IGSF21: variants seen among roughly 807,000 people sequenced by gnomAD.
IGSF21 encodes the protein immunoglobin superfamily member 21.
In IGSF21, 28 loss-of-function variants were observed where a neutral mutation model predicts 46.8. That is an observed-to-expected ratio of 0.60 (90% confidence interval 0.44 to 0.82). The LOEUF is 0.82. Among genes scored for constraint, IGSF21 ranks in the 40% least tolerant of loss-of-function variants. IGSF21 has a pLI of 0.00. For missense variants in IGSF21, 624 were observed against 665.5 expected, an observed-to-expected ratio of 0.94 and a Z score of 0.69; for synonymous variants, 284 against 273.6, an observed-to-expected ratio of 1.04 and a Z score of -0.38.
intron 4 of IGSF21, among the ~76,000 whole-genome samples, chr1:18,354,554 A>G (rs2085994497): frequency 6.6e-6 from 1 of 152,220 alleles, no homozygotes. Flanking sequence ...CAGTCAATAG[A>G]GCAGGCATGC....
At chr1:18,177,002 C>G (rs1425412080) in intron 1 of IGSF21, among the ~76,000 whole-genome samples, 1 of 152,114 alleles carries the variant, frequency 6.6e-6, no homozygotes, top group Admixed American at 6.5e-5. Context: ...TTTTTATTTC[C>G]CCCTTTAACA....
At position 18,215,479 on chromosome 1, in the gene IGSF21, C is replaced by T. The variant is rs2084434894; in HGVS notation, c.71-12419C>T. 1.3e-5 allele frequency among the ~76,000 whole-genome samples: 2 copies of T among 152,112 alleles called. 1 individual carries two copies. Among genetic ancestry groups the T allele is most frequent in the South Asian group, 4.2e-4 (2 of 4,818 alleles). ...CTAACCCAGATTTGGGAATGCTGGG[C>T]ATGGGGTAGGTGAAGCTGGAGTGTA... On this transcript the variant is annotated intron_variant, in intron 1 of 9. Transcript: ENST00000251296.
intron 1 of IGSF21, among the ~76,000 whole-genome samples, chr1:18,164,169 G>C (rs1461721190): frequency 2.6e-5 from 4 of 152,132 alleles, no homozygotes; most frequent in African/African-American, 7.2e-5. Flanking sequence ...AGGAAACTGA[G>C]GCATAGGCAA....
At chr1:18,355,266 CA>C (rs1372619292) in intron 4 of IGSF21, among the ~76,000 whole-genome samples, 1 of 152,190 alleles carries the variant, frequency 6.6e-6, no homozygotes, top group African/African-American at 2.4e-5. Flanking sequence ...TCCCAAATTT[CA>C]AAGGCCACGG....
intron 2 of IGSF21, among the ~76,000 whole-genome samples, chr1:18,291,229 C>T (rs1174398846): frequency 6.6e-6 from 1 of 152,202 alleles, no homozygotes; most frequent in East Asian, 1.9e-4. Context: ...ACCTCCCTGC[C>T]TTCTCCCACT....
At position 18,378,257 on chromosome 1, in the gene IGSF21, T is replaced by C; in HGVS notation, c.1335T>C (p.Gly445=). 1 of 1,613,822 alleles carries C rather than the reference T, an allele frequency of 6.2e-7. No homozygotes were observed. Among genetic ancestry groups the C allele is most frequent in the Non-Finnish European group, 8.5e-7 (1 of 1,179,838 alleles). ...CCCTTTCCCTGATTCCTGGCACAGG[T>C]TCCATTGGCCCCACTGGTGCCCGGC... is the stretch of plus-strand genomic sequence containing the variant. ...NIPRGTEDSN[G]SIGPTGARLT... The change falls in exon 10 of 10, where the codon GGT becomes GGC. Residue 445 remains glycine, a splice_region_variant and synonymous_variant. Transcript: ENST00000251296.
intron 1 of IGSF21, chr1:18,111,227 C>G (rs1287023537): frequency 6.6e-6 from 1 of 152,230 alleles, no homozygotes; most frequent in Non-Finnish European, 1.5e-5. Flanking sequence ...GGGCCCTAAT[C>G]CCTTGCAGGC....
intron 3 of IGSF21, among the ~76,000 whole-genome samples, chr1:18,295,229 A>G (rs916516924): frequency 1.3e-5 from 2 of 152,140 alleles, no homozygotes; most frequent in African/African-American, 2.4e-5. Flanking sequence ...CTCTGGATAG[A>G]GCGTCCCAGA....
chr1:18,154,411 A>C (rs971134368), intron 1 of IGSF21, among the ~76,000 whole-genome samples: 1 of 151,672 alleles, frequency 6.6e-6, no homozygotes, highest in African/African-American at 2.4e-5. Flanking sequence ...AGGTCTTCAG[A>C]CTCAGTAAAG....
intron 2 of IGSF21, among the ~76,000 whole-genome samples, chr1:18,241,695 A>G (rs371051327): frequency 6.6e-5 from 10 of 152,070 alleles, no homozygotes; most frequent in African/African-American, 2.4e-4. Context: ...CATCTCCCTC[A>G]TATCATCATG....
intron 1 of IGSF21, among the ~76,000 whole-genome samples, chr1:18,144,422 C>T (rs2086447730): frequency 6.6e-6 from 1 of 152,222 alleles, no homozygotes. Context: ...CCTCCCTGCC[C>T]AAGCTGCCTG....
chr1:18,119,665 C>G (rs2086217625), intron 1 of IGSF21, among the ~76,000 whole-genome samples: 1 of 152,174 alleles, frequency 6.6e-6, no homozygotes, highest in South Asian at 2.1e-4. Context: ...TTTAATGCCC[C>G]TCTATCACAT....
rs898184899 is a variant in IGSF21 at position 18,313,937 on chromosome 1, C to T, written c.306-20955C>T. On this transcript the variant is annotated intron_variant, in intron 3 of 9. Transcript: ENST00000251296. ...AAGCAGGGGGTCTTTTCCTTTATTA[C>T]AGCCGTCTCAGGAAGACGTGAAAAT... Among the ~76,000 whole-genome samples the T allele has an allele frequency of 4.6e-5, 7 of 152,316 alleles. No homozygotes were observed. The East Asian group carries it at 1.2e-3, about 25-fold the overall frequency.
rs374083141 is a variant in IGSF21, at chr1:18,301,564, C to A, written c.305+9577C>A. On this transcript the variant is annotated intron_variant, in intron 3 of 9. Coordinates refer to ENST00000251296, the MANE Select transcript of IGSF21 (RefSeq NM_032880.5). Reference sequence around the variant, plus strand: ...CCATGTTGGTCAAGCTGATCTCGAACTCCTGACCTCAAGTGATGCACCCGC... The same window carrying A: ...CCATGTTGGTCAAGCTGATCTCGAAATCCTGACCTCAAGTGATGCACCCGC... 6.6e-5 allele frequency among the ~76,000 whole-genome samples: 10 copies of A among 152,306 alleles called. No individual in the cohort carries two copies. The South Asian group carries it at 1.0e-3, about 16-fold the overall frequency.
intron 2 of IGSF21, among the ~76,000 whole-genome samples, chr1:18,242,124 G>A (rs1387187020): frequency 3.9e-5 from 6 of 152,186 alleles, no homozygotes; most frequent in African/African-American, 1.2e-4. Flanking sequence ...GGCTGTCAAC[G>A]TCAAATGAGG....
At chr1:18,172,541 A>G (rs1017454837) in intron 1 of IGSF21, among the ~76,000 whole-genome samples, 1 of 152,206 alleles carries the variant, frequency 6.6e-6, no homozygotes, top group Non-Finnish European at 1.5e-5. Flanking sequence ...CCGCCTTCTC[A>G]CTGGGACTTC....
intron 1 of IGSF21, among the ~76,000 whole-genome samples, chr1:18,203,087 G>A (rs1038747393): frequency 6.6e-6 from 1 of 152,182 alleles, no homozygotes; most frequent in African/African-American, 2.4e-5. Context: ...GGGTGGTTGA[G>A]TGGGCTTTCT....
chr1:18,295,264 A>G (rs2085301954), intron 3 of IGSF21, among the ~76,000 whole-genome samples: 2 of 152,136 alleles, frequency 1.3e-5, no homozygotes, highest in African/African-American at 4.8e-5. Context: ...ATGCTTTTCT[A>G]GGTCTTAGCC....
chr1:18,308,394 AG>A (rs1194803141), intron 3 of IGSF21, among the ~76,000 whole-genome samples: 2 of 152,204 alleles, frequency 1.3e-5, no homozygotes, highest in Admixed American at 1.3e-4. Flanking sequence ...CTGATGCACC[AG>A]AGGCCAAGTG....
Sources: gnomAD v4.1 joint callset for allele counts (sites outside exome capture counted in the v4.1 genomes callset) on GRCh38, gnomAD v4.1.1 for gene constraint, MANE v1.5 for transcripts, NCBI Gene and HGNC (gene_info 2026-07-23, HGNC 2026-07-21) for gene names.